Variants in BCAR3 observed in about 807,000 individuals in gnomAD.
BCAR3 encodes the protein breast cancer anti-estrogen resistance protein 3.
In BCAR3, 37 loss-of-function variants were observed where a neutral mutation model predicts 80.1. The ratio of observed to expected loss-of-function variants is 0.46; its 90% CI spans 0.36 to 0.61. BCAR3 has a LOEUF of 0.61. BCAR3 is among the 20% of genes least tolerant of loss of function. The pLI is 0.00. For missense variants in BCAR3, 978 were observed against 1,068.2 expected (o/e 0.92, Z 1.18); for synonymous variants, 389 against 418.9 (o/e 0.93, Z 0.87).
chr1:93,578,212 C>CTGA (rs1673535502), intron 7 of BCAR3, among the ~76,000 whole-genome samples: 1 of 152,162 alleles, frequency 6.6e-6, no homozygotes, highest in African/African-American at 2.4e-5. Context: ...CAGGAGAGCC[C>CTGA]TGATGGGGTC....
chr1:93,748,426 C>T (rs1488309086), intron 2 of BCAR3, among the ~76,000 whole-genome samples: 1 of 152,184 alleles, frequency 6.6e-6, no homozygotes, highest in Non-Finnish European at 1.5e-5. Context: ...TTTACCCATC[C>T]CCAAGAACTG....
rs1651557912 is a variant in BCAR3 at position 93,751,567 on chromosome 1, C to A, written c.-62-45425G>T. On this transcript the variant is annotated intron_variant, in intron 2 of 13. Transcript: ENST00000370244. ...ATGTAACTTCACCTCAGAAGCCCTG[C>A]TTTGCCTCATAAACCTTGGCCAAGC... Among the ~76,000 whole-genome samples, 5 of 152,198 alleles carry A rather than the reference C, an allele frequency of 3.3e-5. No individual in the cohort carries two copies. The South Asian group carries it at 8.3e-4, about 25-fold the overall frequency.
chr1:93,653,375 A>AGGT (rs1189952098), intron 2 of BCAR3, among the ~76,000 whole-genome samples: 1 of 152,214 alleles, frequency 6.6e-6, no homozygotes, highest in African/African-American at 2.4e-5. Context: ...CAATCTGTAG[A>AGGT]GGTGGCACAC....
At chr1:93,663,430 G>T (rs185681874) in intron 2 of BCAR3, among the ~76,000 whole-genome samples, 26 of 152,276 alleles carry the variant, frequency 1.7e-4, no homozygotes, top group African/African-American at 6.3e-4. Context: ...AAAGGAAAGG[G>T]TTATCTAGAA....
At chr1:93,827,299 T>C (rs897841712) in intron 2 of BCAR3, among the ~76,000 whole-genome samples, 10 of 152,098 alleles carry the variant, frequency 6.6e-5, no homozygotes, top group Admixed American at 3.3e-4. Context: ...AAGTTTGTAA[T>C]GAGGCACATA....
chr1:93,585,260 G>T, intron 5 of BCAR3: 1 of 950,948 alleles, frequency 1.1e-6, no homozygotes. Context: ...GGCCAGAGCT[G>T]CATAAGGGAG....
chr1:93,566,068 G>T (rs1337616195), intron 11 of BCAR3, among the ~76,000 whole-genome samples: 1 of 152,146 alleles, frequency 6.6e-6, no homozygotes, highest in Non-Finnish European at 1.5e-5. Flanking sequence ...ACCCTCCCAT[G>T]ATTAAACCCT....
intron 2 of BCAR3, among the ~76,000 whole-genome samples, chr1:93,789,391 GGGAAAGCAAT>G (rs1392405105): frequency 6.6e-6 from 1 of 152,214 alleles, no homozygotes; most frequent in African/African-American, 2.4e-5. Context: ...CTCCCTATGG[GGGAAAGCAAT>G]GGCCCTTTGT....
At chr1:93,755,066 CAAAA>C (rs1651697744) in intron 2 of BCAR3, among the ~76,000 whole-genome samples, 1 of 150,186 alleles carries the variant, frequency 6.7e-6, no homozygotes, top group African/African-American at 2.5e-5. Flanking sequence ...TTTAACAAAA[CAAAA>C]AACTTAAAAA....
intron 2 of BCAR3, among the ~76,000 whole-genome samples, chr1:93,663,727 C>A (rs1647765997): frequency 2.0e-5 from 3 of 152,276 alleles, no homozygotes; most frequent in African/African-American, 7.2e-5. Context: ...GCCTGGCACA[C>A]CAAAGTTCAA....
intron 2 of BCAR3, among the ~76,000 whole-genome samples, chr1:93,780,348 C>T (rs1475952698): frequency 6.6e-6 from 1 of 152,196 alleles, no homozygotes; most frequent in Non-Finnish European, 1.5e-5. Flanking sequence ...GGAATTGACT[C>T]ATAATGTTTC....
At position 93,582,507 on chromosome 1, in the gene BCAR3, T is replaced by G; in HGVS notation, c.1480A>C (p.Met494Leu). The change falls in exon 7 of 12, where the codon ATG (methionine) becomes CTG (leucine). Residue 494 changes from methionine to leucine, a missense_variant. Transcript: ENST00000260502. ...ERPWEPAAAQ[M>L]EKGQWDKGEF... ...CCCTTGTCCCACTGCCCCTTCTCCA[T>G]CTGAGCTGCCGCAGGTTCCCAAGGT... 6.2e-7 allele frequency: 1 copy of G among 1,614,096 alleles called. No individual in the cohort carries two copies. The highest frequency in any genetic ancestry group is 1.1e-5 in the South Asian group (1 of 91,074).
At chr1:93,751,215 G>T (rs1651546706) in intron 2 of BCAR3, among the ~76,000 whole-genome samples, 1 of 152,158 alleles carries the variant, frequency 6.6e-6, no homozygotes, top group African/African-American at 2.4e-5. Context: ...CAGAGCTGGG[G>T]CTGATACCTC....
intron 2 of BCAR3, among the ~76,000 whole-genome samples, chr1:93,770,823 G>A (rs761088278): frequency 2.6e-5 from 4 of 151,956 alleles, no homozygotes; most frequent in East Asian, 1.9e-4. Context: ...TGTATTTCAG[G>A]ACCACAGACA....
At chr1:93,646,990 GGTT>G (rs535523190) in intron 2 of BCAR3, among the ~76,000 whole-genome samples, 124 of 152,128 alleles carry the variant, frequency 8.2e-4, no homozygotes, top group Non-Finnish European at 1.5e-3. Context: ...TAGAATCTAA[GGTT>G]ATTATTTGAT....
At chr1:93,669,141 A>G (rs1027702863) in intron 2 of BCAR3, among the ~76,000 whole-genome samples, 4 of 152,176 alleles carry the variant, frequency 2.6e-5, no homozygotes, top group Non-Finnish European at 5.9e-5. Context: ...GGACCTTCGC[A>G]TCGTACATCC....
chr1:93,840,370 T>G (rs1439547673), intron 2 of BCAR3, among the ~76,000 whole-genome samples: 1 of 152,178 alleles, frequency 6.6e-6, no homozygotes, highest in Non-Finnish European at 1.5e-5. Context: ...TTATGAAGAT[T>G]AAGTGAGGTC....
chr1:93,736,217 C>T, intron 2 of BCAR3, among the ~76,000 whole-genome samples: 1 of 152,172 alleles, frequency 6.6e-6, no homozygotes, highest in Non-Finnish European at 1.5e-5. Context: ...GATGGAGTTT[C>T]ACTCTTGTTG....
At chr1:93,688,079 C>A (rs890943704) in intron 3 of BCAR3, among the ~76,000 whole-genome samples, 1 of 152,176 alleles carries the variant, frequency 6.6e-6, no homozygotes, top group African/African-American at 2.4e-5. Flanking sequence ...TAGGTGCCTG[C>A]CCCTGAAGAG....
Sources: gnomAD v4.1 joint callset for allele counts (sites outside exome capture counted in the v4.1 genomes callset) on GRCh38, gnomAD v4.1.1 for gene constraint, MANE v1.5 for transcripts, NCBI Gene and HGNC (gene_info 2026-07-23, HGNC 2026-07-21) for gene names.